Variants in VPS13B observed in about 807,000 individuals in gnomAD.
The protein encoded by VPS13B is vacuolar protein sorting 13 homolog B.
A neutral mutation model predicts 426.4 loss-of-function variants in VPS13B; 285 were observed. The ratio of observed to expected loss-of-function variants is 0.67; its 90% CI spans 0.61 to 0.74. The LOEUF (loss-of-function observed/expected upper bound fraction) is 0.74. Ranked by LOEUF, VPS13B falls within the 30% of genes least tolerant of loss-of-function variation. The pLI, the probability that VPS13B is intolerant of heterozygous loss-of-function variation, is 0.00. For missense variants in VPS13B, 4,537 were observed against 4,782.6 expected (o/e 0.95, Z 1.51); for synonymous variants, 1,676 against 1,676.4 (o/e 1.00, Z 0.01).
chr8:99,029,785 G>C (rs1842416470), intron 2 of VPS13B, among the ~76,000 whole-genome samples: 1 of 146,824 alleles, frequency 6.8e-6, no homozygotes, highest in East Asian at 2.0e-4. Context: ...CGTGGAAAGA[G>C]GGAGAGGGAG....
At chr8:99,730,974 G>A (rs16897617) in intron 39 of VPS13B, among the ~76,000 whole-genome samples, 2,967 of 152,196 alleles carry the variant, frequency 0.019, 106 homozygotes, top group African/African-American at 0.068. Context: ...GGTTACTGAG[G>A]TGATCCTTGA....
intron 23 of VPS13B, among the ~76,000 whole-genome samples, chr8:99,448,076 C>T (rs1818012076): frequency 6.6e-6 from 1 of 151,026 alleles, no homozygotes; most frequent in African/African-American, 2.4e-5. Context: ...CGGAAGTCTC[C>T]ATCTTTAAAG....
At chr8:99,425,076 G>A (rs1487002432) in intron 21 of VPS13B, among the ~76,000 whole-genome samples, 1 of 152,120 alleles carries the variant, frequency 6.6e-6, no homozygotes, top group East Asian at 1.9e-4. Context: ...ATAATTAATA[G>A]CTTACCAACC....
chr8:99,352,570 A>T (rs1811950575), intron 19 of VPS13B, among the ~76,000 whole-genome samples: 1 of 152,182 alleles, frequency 6.6e-6, no homozygotes, highest in Non-Finnish European at 1.5e-5. Flanking sequence ...GCAGTGGCTC[A>T]CGCCTGTAAT....
chr8:99,032,155 C>T (rs1231297358), intron 2 of VPS13B, among the ~76,000 whole-genome samples: 2 of 152,190 alleles, frequency 1.3e-5, no homozygotes, highest in Non-Finnish European at 2.9e-5. Flanking sequence ...TGGCCAGGTG[C>T]TCTCCTTTCC....
chr8:99,873,685 C>A (rs1479736261), intron 61 of VPS13B, among the ~76,000 whole-genome samples: 1 of 152,210 alleles, frequency 6.6e-6, no homozygotes, highest in East Asian at 1.9e-4. Context: ...CTCTCCTACT[C>A]ACCCCCAAGA....
intron 17 of VPS13B, among the ~76,000 whole-genome samples, chr8:99,194,994 C>T (rs1813829655): frequency 6.6e-6 from 1 of 151,992 alleles, no homozygotes; most frequent in Admixed American, 6.6e-5. Flanking sequence ...TACAGGTGTG[C>T]ACCACCACAC....
At chr8:99,337,333 A>G (rs956403808) in intron 19 of VPS13B, among the ~76,000 whole-genome samples, 1 of 131,674 alleles carries the variant, frequency 7.6e-6, no homozygotes, top group African/African-American at 2.8e-5. Flanking sequence ...TGGACATAGG[A>G]AGGGGAACAT....
At chr8:99,060,808 C>T (rs1170275172) in intron 3 of VPS13B, among the ~76,000 whole-genome samples, 1 of 151,596 alleles carries the variant, frequency 6.6e-6, no homozygotes, top group South Asian at 2.1e-4. Flanking sequence ...ATTTGTTTCA[C>T]AATTGGGAAG....
At chr8:99,645,393 A>G (rs1829541137) in intron 34 of VPS13B, among the ~76,000 whole-genome samples, 1 of 152,230 alleles carries the variant, frequency 6.6e-6, no homozygotes, top group African/African-American at 2.4e-5. Context: ...AGCTGTCAAT[A>G]TCATATAGTG....
chr8:99,476,164 G>A, intron 24 of VPS13B, among the ~76,000 whole-genome samples: 1 of 152,160 alleles, frequency 6.6e-6, no homozygotes, highest in East Asian at 1.9e-4. Flanking sequence ...GAACATCCCT[G>A]GTGAAATGTA....
rs200322639 is a variant in VPS13B, at chr8:99,425,601, C to T, written c.3083-5936C>T. ...AGAGCTATTTATGACAAACCCACAGCCAATATCATACTGAATGGGCAAAAA... is the reference window on the plus strand; with the variant it reads ...AGAGCTATTTATGACAAACCCACAGTCAATATCATACTGAATGGGCAAAAA... On this transcript the variant is annotated intron_variant, in intron 21 of 61. Coordinates refer to ENST00000357162, the MANE Select transcript of VPS13B (RefSeq NM_152564.5). 1.8e-3 allele frequency among the ~76,000 whole-genome samples: 268 copies of T among 152,236 alleles called. 4 individuals are homozygous for T. In the East Asian group the frequency reaches 0.033, roughly 19 times the overall value.
intron 15 of VPS13B, among the ~76,000 whole-genome samples, chr8:99,160,738 C>G (rs1811607347): frequency 6.6e-6 from 1 of 151,170 alleles, no homozygotes; most frequent in Non-Finnish European, 1.5e-5. Context: ...CAAATAGGCT[C>G]TTGGCCTAAT....
chr8:99,569,447 GAAA>G (rs372498776), intron 31 of VPS13B, among the ~76,000 whole-genome samples: 1 of 135,114 alleles, frequency 7.4e-6, no homozygotes, highest in African/African-American at 2.7e-5. Flanking sequence ...ACACAAAAGG[GAAA>G]AAAAAAAAAA....
chr8:99,704,656 G>T (rs1346922432), intron 36 of VPS13B, among the ~76,000 whole-genome samples: 1 of 152,110 alleles, frequency 6.6e-6, no homozygotes, highest in Non-Finnish European at 1.5e-5. Context: ...AGCCACTGAG[G>T]ATTGAAGTGG....
chr8:99,845,186 A>C (rs76441779), intron 54 of VPS13B, among the ~76,000 whole-genome samples: 2,464 of 152,322 alleles, frequency 0.016, 80 homozygotes, highest in African/African-American at 0.057. Context: ...TATCTATATT[A>C]GTAGTATAAG....
In VPS13B at chr8:99,779,618, T is replaced by C. The variant is rs35094308; in HGVS notation, c.7779+587T>C. ...ATAATTTTTTAACTTTTATTTCTTA[T>C]CAGAAATAAACCAAACCAAAAAAAG... On this transcript the variant is annotated intron_variant, in intron 42 of 61. Coordinates refer to ENST00000357162, the MANE Select transcript of VPS13B (RefSeq NM_152564.5). 6.5e-3 allele frequency among the ~76,000 whole-genome samples: 996 copies of C among 152,252 alleles called. 5 individuals carry two copies. The highest frequency in any genetic ancestry group is 0.011 in the Admixed American group (170 of 15,288).
intron 24 of VPS13B, among the ~76,000 whole-genome samples, chr8:99,471,355 A>G (rs1045021143): frequency 4.6e-5 from 7 of 152,150 alleles, no homozygotes; most frequent in African/African-American, 9.6e-5. Context: ...CAAGACAACT[A>G]TAGCATTAAG....
At chr8:99,522,029 A>G (rs1414263199) in intron 30 of VPS13B, among the ~76,000 whole-genome samples, 1 of 152,158 alleles carries the variant, frequency 6.6e-6, no homozygotes, top group African/African-American at 2.4e-5. Flanking sequence ...ATTTCAGAGC[A>G]GAAAGCGTCT....
Sources: allele counts gnomAD v4.1 joint callset (sites outside exome capture counted in the v4.1 genomes callset), GRCh38; gene constraint gnomAD v4.1.1; transcripts MANE v1.5; gene names NCBI Gene and HGNC (gene_info 2026-07-23, HGNC 2026-07-21).